Variants in ZNF112 observed in about 807,000 individuals in gnomAD.
ZNF112 encodes the protein zinc finger protein 112 (Y14).
ZNF112 carries 37 observed loss-of-function variants against 77.7 expected under a neutral mutation model. That is an observed-to-expected ratio of 0.48 (90% CI 0.37 to 0.63). ZNF112 has a LOEUF of 0.63. Ranked by LOEUF, ZNF112 falls within the 20% of genes least tolerant of loss-of-function variation. The probability of loss-of-function intolerance (pLI) is 0.00; values close to 1 mark genes in which losing one functional copy is unlikely to be tolerated. For synonymous variants in ZNF112, 333 were observed against 363.6 expected, an observed-to-expected ratio of 0.92 and a Z score of 0.96; for missense variants, 950 against 1,077.4, an observed-to-expected ratio of 0.88 and a Z score of 1.66.
chr19:44,358,702 A>C (rs556887892), upstream of ZNF112, among the ~76,000 whole-genome samples: 14 of 152,350 alleles, frequency 9.2e-5, no homozygotes, highest in South Asian at 2.7e-3. Flanking sequence ...GAAATACTAA[A>C]TATGCTTTTG....
intron 1 of ZNF112, among the ~76,000 whole-genome samples, chr19:44,363,766 G>A (rs1970877100): frequency 6.6e-6 from 1 of 152,078 alleles, no homozygotes; most frequent in Non-Finnish European, 1.5e-5. Flanking sequence ...CTTTTCTCTG[G>A]AATAAATATC....
intron 3 of ZNF112, among the ~76,000 whole-genome samples, chr19:44,334,458 T>C (rs942114945): frequency 5.3e-5 from 8 of 152,198 alleles, no homozygotes; most frequent in African/African-American, 1.9e-4. Flanking sequence ...GCTGCAGAAA[T>C]GTGCCTAAGT....
intron 1 of ZNF112, among the ~76,000 whole-genome samples, chr19:44,351,161 CTTTCTTCTAA>C (rs1970684973): frequency 6.6e-6 from 1 of 152,056 alleles, no homozygotes; most frequent in African/African-American, 2.4e-5. Context: ...TATCATGTCA[CTTTCTTCTAA>C]TTTTGATCCT....
At chr19:44,362,184 T>C (rs1296793512) in intron 1 of ZNF112, among the ~76,000 whole-genome samples, 2 of 151,626 alleles carry the variant, frequency 1.3e-5, no homozygotes, top group Non-Finnish European at 2.9e-5. Context: ...TTTATCCACA[T>C]GGGCAAAATC....
chr19:44,365,660 T>C (rs1235684674), intron 1 of ZNF112, among the ~76,000 whole-genome samples: 1 of 152,154 alleles, frequency 6.6e-6, no homozygotes, highest in South Asian at 2.1e-4. Context: ...AATGTTCCTT[T>C]ATAATCCTTT....
intron 3 of ZNF112, 136 bp downstream of exon 3, chr19:44,336,487 A>C: frequency 1.5e-6 from 1 of 678,712 alleles, no homozygotes; most frequent in Non-Finnish European, 2.6e-6. Flanking sequence ...GACCTAATAG[A>C]CCACTTTAAG....
chr19:44,343,453 C>T (rs1271257680), intron 1 of ZNF112, among the ~76,000 whole-genome samples: 1 of 152,220 alleles, frequency 6.6e-6, no homozygotes, highest in East Asian at 1.9e-4. Flanking sequence ...ATTCTAGCTA[C>T]CACTTGGCTC....
At chr19:44,340,629 T>C (rs1336114375) in intron 1 of ZNF112, 87 bp from the exon 2 acceptor site, 2 of 1,589,308 alleles carry the variant, frequency 1.3e-6, no homozygotes, top group East Asian at 2.2e-5. Context: ...TTCTGGAGTC[T>C]GGGCAACTTG....
In ZNF112 at chr19:44,327,671, C is replaced by T. The variant is rs1303301709; in HGVS notation, c.2486G>A (p.Cys829Tyr). The change falls in exon 4 of 4, where the codon TGT becomes TAT. Residue 829 changes from cysteine (C) to tyrosine (Y), a missense_variant. Cys to Tyr is a radical substitution (Grantham distance 194). This residue lies in a region of ZNF112 where 373 missense variants were observed against 482.8 expected (regional missense o/e 0.77). Coordinates refer to ENST00000354340, the MANE Select transcript of ZNF112 (RefSeq NM_013380.4). ...RVHTGEKPYK[C>Y]EVCGKGFSQR... ...ACTGAAGCCCTTTCCACATACCTCA[C>T]ATTTGTATGGTTTCTCTCCTGTGTG... 1 of 1,613,932 alleles carries T rather than the reference C, an allele frequency of 6.2e-7. No homozygotes were observed. Among genetic ancestry groups the T allele is most frequent in the African/African-American group, 1.3e-5 (1 of 74,888 alleles).
rs1051167918 is a variant in ZNF112, at chr19:44,329,158, G to C, written c.999C>G (p.Asn333Lys). 1 of 1,613,726 alleles carries C rather than the reference G, an allele frequency of 6.2e-7. No individual in the cohort carries two copies. Residue 333 changes from asparagine (N) to lysine (K), a missense_variant, in exon 4 of 4, where the codon AAC becomes AAG. Physicochemically the swap from Asn to Lys is moderately conservative, Grantham distance 94 (BLOSUM62 0). Transcript: ENST00000354340. ...KPCKCGEYGE[N>K]FNHCSPLNTY... Reference sequence around the variant, plus strand: ...TGTTAAGAGGGGAACAGTGATTGAAGTTCTCACCATATTCACCACATTTGC... The same window carrying C: ...TGTTAAGAGGGGAACAGTGATTGAACTTCTCACCATATTCACCACATTTGC...
chr19:44,332,802 A>C (rs1049360696), intron 3 of ZNF112, among the ~76,000 whole-genome samples: 4 of 152,198 alleles, frequency 2.6e-5, no homozygotes, highest in African/African-American at 9.6e-5. Flanking sequence ...TGCAATGTTA[A>C]GGACATAGAG....
At chr19:44,365,026 T>C (rs1436438644) in intron 1 of ZNF112, among the ~76,000 whole-genome samples, 1 of 152,226 alleles carries the variant, frequency 6.6e-6, no homozygotes, top group Non-Finnish European at 1.5e-5. Flanking sequence ...CCTTCCCTTT[T>C]CGTTTCTGGG....
intron 3 of ZNF112, among the ~76,000 whole-genome samples, chr19:44,332,670 G>A (rs940605970): frequency 6.6e-6 from 1 of 152,130 alleles, no homozygotes; most frequent in African/African-American, 2.4e-5. Flanking sequence ...CATGAAAGTA[G>A]CTTGTTAGTC....
Position 44,328,670 on chromosome 19 carries a change from T to A in ZNF112, c.1487A>T (p.His496Leu). The change falls in exon 4 of 4, where the codon CAT (histidine) becomes CTT (leucine). Residue 496 changes from histidine to leucine, a missense_variant. Physicochemically the swap from His to Leu is moderately conservative, Grantham distance 99. Transcript: ENST00000354340. The part of the protein sequence containing the change: ...IHIGEKPRKE[H>L]GNGFNWSSKL... Reference sequence around the variant, plus strand: ...TGAGCTCCAGTTGAAGCCATTCCCATGCTCCTTACGTGGTTTCTCTCCAAT... The same window carrying A: ...TGAGCTCCAGTTGAAGCCATTCCCAAGCTCCTTACGTGGTTTCTCTCCAAT... 2 of 1,614,168 alleles carry A rather than the reference T, an allele frequency of 1.2e-6. No homozygotes were observed. The highest frequency in any genetic ancestry group is 1.7e-6 in the Non-Finnish European group (2 of 1,180,014).
chr19:44,355,340 T>C (rs1311230006), intron 1 of ZNF112, among the ~76,000 whole-genome samples: 1 of 152,204 alleles, frequency 6.6e-6, no homozygotes. Flanking sequence ...TTTTTTCTTT[T>C]ACACTTTCTA....
At position 44,328,242 on chromosome 19, in the gene ZNF112, C is replaced by T. The variant is rs763811649; in HGVS notation, c.1915G>A (p.Gly639Arg). Residue 639 changes from glycine (G) to arginine (R), a missense_variant, in exon 4 of 4, where the codon GGG becomes AGG. By Grantham distance (125) the Gly-to-Arg change is moderately radical. Transcript: ENST00000354340. ...KPFKCEECGKGFSWSFNLQIH... is the reference protein window; with the variant it reads ...KPFKCEECGKRFSWSFNLQIH... ...TGAAGATTAAAGCTCCAACTGAACC[C>T]CTTCCCACATTCCTCACATTTGAAT... is the stretch of plus-strand genomic sequence containing the variant. 6.2e-6 allele frequency: 10 copies of T among 1,614,110 alleles called. No individual in the cohort carries two copies. Among genetic ancestry groups the T allele is most frequent in the Non-Finnish European group, 8.5e-6 (10 of 1,180,002 alleles).
At position 44,329,872 on chromosome 19, in the gene ZNF112, T is replaced by C. The variant is rs766428377; in HGVS notation, c.285A>G (p.Lys95=). Residue 95 remains lysine (K), a synonymous_variant, in exon 4 of 4, where the codon AAA becomes AAG. Coordinates refer to ENST00000354340, the MANE Select transcript of ZNF112 (RefSeq NM_013380.4). The stretch of plus-strand genomic sequence containing the variant: ...GCCAGGTCTGACGGGAGGAAAGCTC[T>C]TTGGGGGAAAAGTAGCTTACTGTTA... The part of the protein sequence containing the change: ...QEVTVSYFSP[K]ELSSRQTWQQ... 6.2e-7 allele frequency: 1 copy of C among 1,613,966 alleles called. No homozygotes were observed.
chr19:44,352,215 A>C (rs1970706528), intron 1 of ZNF112, among the ~76,000 whole-genome samples: 2 of 152,126 alleles, frequency 1.3e-5, no homozygotes, highest in Non-Finnish European at 2.9e-5. Flanking sequence ...CACCAAAAAG[A>C]ATAAATTTCT....
At chr19:44,362,261 G>A (rs1020046877) in intron 1 of ZNF112, among the ~76,000 whole-genome samples, 3 of 152,024 alleles carry the variant, frequency 2.0e-5, no homozygotes, top group Non-Finnish European at 4.4e-5. Context: ...GTAGGAGGAG[G>A]AGAAGTAGGA....
Sources: gnomAD v4.1 joint callset for allele counts (sites outside exome capture counted in the v4.1 genomes callset) on GRCh38, gnomAD v4.1.1 for gene constraint, gnomAD v4.1.1 regional missense constraint, MANE v1.5 for transcripts, NCBI Gene and HGNC (gene_info 2026-07-23, HGNC 2026-07-21) for gene names.